Variants in OSBP2 observed in about 807,000 individuals in gnomAD.
OSBP2 encodes oxysterol binding protein 2, also known as oxysterol-binding protein 2.
Under a neutral mutation model 96.0 loss-of-function variants are expected in OSBP2, and 66 were observed. The observed-to-expected ratio is 0.69, with a 90% CI of 0.56 to 0.84. The LOEUF (loss-of-function observed/expected upper bound fraction) is 0.84, where lower values mean the gene tolerates loss of function less well. Among genes scored for constraint, OSBP2 ranks in the 40% least tolerant of loss-of-function variants. OSBP2 has a pLI of 0.00. For synonymous variants in OSBP2, 525 were observed against 520.9 expected (o/e 1.01, Z -0.11); for missense variants, 1,038 against 1,222.7 (o/e 0.85, Z 2.25).
rs35377469 is a variant in OSBP2, at chr22:30,717,090, T to TTGTGTGTGTGTG, written c.644+21569_644+21580dup. ...CTATTTTGTTTTAATTTTACTGTTT[T>TTGTGTGTGTGTG]TGTGTGTGTGTGTGTGTGTGTGTGT... On this transcript the variant is annotated intron_variant, in intron 1 of 13. Transcript: ENST00000332585. Among the ~76,000 whole-genome samples the TTGTGTGTGTGTG allele has an allele frequency of 1.2e-3, 144 of 118,408 alleles. 1 individual carries two copies. Among genetic ancestry groups the TTGTGTGTGTGTG allele is most frequent in the Middle Eastern group, 8.2e-3 (2 of 244 alleles). 77.7% of individuals were successfully genotyped at this position (118,408 alleles called of 152,430 possible).
intron 2 of OSBP2, among the ~76,000 whole-genome samples, chr22:30,764,622 T>C (rs1354073084): frequency 6.6e-6 from 1 of 152,176 alleles, no homozygotes; most frequent in Non-Finnish European, 1.5e-5. Context: ...GGGGGAGACA[T>C]TCCTTAGGGC....
intron 4 of OSBP2, among the ~76,000 whole-genome samples, chr22:30,887,999 G>C (rs946009458): frequency 6.6e-6 from 1 of 152,156 alleles, no homozygotes; most frequent in South Asian, 2.1e-4. Flanking sequence ...GATCGGGGGG[G>C]CTTCCAGAAA....
intron 2 of OSBP2, chr22:30,822,596 CGCCCCGCCGATTGGAGGCT>C (rs1198420940): frequency 6.3e-5 from 96 of 1,523,582 alleles, no homozygotes; most frequent in Non-Finnish European, 8.2e-5. Flanking sequence ...CGCCATGTAG[CGCCCCGCCGATTGGAGGCT>C]GCCCCGCCGC....
intron 1 of OSBP2, among the ~76,000 whole-genome samples, chr22:30,709,698 TA>T (rs146252650): frequency 6.7e-6 from 1 of 150,246 alleles, no homozygotes; most frequent in African/African-American, 2.5e-5. Flanking sequence ...TCTAATTATT[TA>T]AAAAAAATTT....
chr22:30,763,534 T>C (rs2145776427), intron 2 of OSBP2, among the ~76,000 whole-genome samples: 1 of 151,618 alleles, frequency 6.6e-6, no homozygotes, highest in Admixed American at 6.6e-5. Flanking sequence ...TAATCCCAGC[T>C]ACTTGGGAGG....
chr22:30,808,205 C>T (rs574658201), intron 2 of OSBP2, among the ~76,000 whole-genome samples: 1 of 151,538 alleles, frequency 6.6e-6, no homozygotes, highest in Admixed American at 6.6e-5. Flanking sequence ...GAAGTCCCCC[C>T]AAAAGATATG....
intron 10 of OSBP2, 25 bp from the exon 11 acceptor site, chr22:30,893,613 G>A (rs373983111): frequency 1.1e-5 from 18 of 1,612,744 alleles, no homozygotes; most frequent in Admixed American, 3.3e-5. Flanking sequence ...GGGGCTGGCC[G>A]CTGACCACTG....
chr22:30,707,575 G>A (rs1291303027), intron 1 of OSBP2, among the ~76,000 whole-genome samples: 1 of 151,342 alleles, frequency 6.6e-6, no homozygotes, highest in Non-Finnish European at 1.5e-5. Context: ...AAAATTAGCC[G>A]GGCACGGTGG....
At chr22:30,899,035 A>C (rs2040130834) in intron 12 of OSBP2, among the ~76,000 whole-genome samples, 1 of 152,080 alleles carries the variant, frequency 6.6e-6, no homozygotes, top group African/African-American at 2.4e-5. Context: ...TAAAGTATAA[A>C]GACATAATTA....
intron 3 of OSBP2, among the ~76,000 whole-genome samples, chr22:30,879,360 G>A (rs2039652364): frequency 6.6e-6 from 1 of 152,264 alleles, no homozygotes; most frequent in Non-Finnish European, 1.5e-5. Flanking sequence ...TCCTGTGTGC[G>A]AGTGGCAAAC....
chr22:30,799,254 C>T (rs185218157), intron 2 of OSBP2, among the ~76,000 whole-genome samples: 4 of 151,966 alleles, frequency 2.6e-5, no homozygotes, highest in South Asian at 2.1e-4. Context: ...GGACTACAGG[C>T]GCCCACCACC....
intron 2 of OSBP2, among the ~76,000 whole-genome samples, chr22:30,865,107 A>C (rs1466428837): frequency 6.6e-6 from 1 of 152,172 alleles, no homozygotes; most frequent in South Asian, 2.1e-4. Flanking sequence ...AAAATAGCCC[A>C]CCTGGCTCCC....
chr22:30,771,159 A>G (rs936328051), intron 2 of OSBP2, among the ~76,000 whole-genome samples: 2 of 152,184 alleles, frequency 1.3e-5, no homozygotes, highest in African/African-American at 4.8e-5. Context: ...TCTCCCTGCC[A>G]TCGGCAGGAG....
chr22:30,777,710 G>A (rs544469230), intron 2 of OSBP2, among the ~76,000 whole-genome samples: 3 of 152,276 alleles, frequency 2.0e-5, no homozygotes, highest in South Asian at 4.1e-4. Context: ...CAGTGACAGC[G>A]CATGCAGCCC....
intron 2 of OSBP2, among the ~76,000 whole-genome samples, chr22:30,779,137 A>G (rs2090478363): frequency 6.7e-6 from 1 of 149,930 alleles, no homozygotes; most frequent in Non-Finnish European, 1.5e-5. Flanking sequence ...GCTGGAGTGA[A>G]GTGGCCTGAT....
chr22:30,746,988 C>A (rs902796102), intron 2 of OSBP2, among the ~76,000 whole-genome samples: 1 of 152,096 alleles, frequency 6.6e-6, no homozygotes, highest in Non-Finnish European at 1.5e-5. Flanking sequence ...TGGGACTTAC[C>A]CCAGGAGTGG....
At chr22:30,754,576 G>A (rs758434902) in intron 2 of OSBP2, among the ~76,000 whole-genome samples, 1 of 152,178 alleles carries the variant, frequency 6.6e-6, no homozygotes, top group East Asian at 1.9e-4. Context: ...CTGTTTCCCC[G>A]TGCCCCTTGG....
At chr22:30,806,367 T>G (rs2090928256) in intron 2 of OSBP2, among the ~76,000 whole-genome samples, 1 of 151,950 alleles carries the variant, frequency 6.6e-6, no homozygotes, top group Non-Finnish European at 1.5e-5. Flanking sequence ...ATAAGCAGGG[T>G]TTAGGGCCAG....
rs201298398 is a variant in OSBP2 at position 30,741,301 on chromosome 22, G to A, written c.785G>A (p.Arg262Gln). The A allele has an allele frequency of 3.1e-4, 496 of 1,613,720 alleles. No individual in the cohort carries two copies. The highest frequency in any genetic ancestry group is 3.8e-4 in the Non-Finnish European group (447 of 1,180,040). Residue 262 changes from arginine (R) to glutamine (Q), a missense_variant, in exon 2 of 14, where the codon CGG becomes CAG. Physicochemically the swap from Arg to Gln is conservative, Grantham distance 43 (BLOSUM62 1). Coordinates refer to ENST00000332585, the MANE Select transcript of OSBP2 (RefSeq NM_030758.4). ...CTCAAGGCCAGCTCAGAGGTGGACC[G>A]GCAGCAGTGGATCACCGCCCTGGAG... ...YHLKASSEVD[R>Q]QQWITALELA...
Sources: allele counts gnomAD v4.1 joint callset (sites outside exome capture counted in the v4.1 genomes callset), GRCh38; gene constraint gnomAD v4.1.1; transcripts MANE v1.5; gene names NCBI Gene and HGNC (gene_info 2026-07-23, HGNC 2026-07-21).